MYH15: variants seen among roughly 807,000 people sequenced by gnomAD.
The protein encoded by MYH15 is myosin-15.
Under a neutral mutation model 240.5 loss-of-function variants are expected in MYH15, and 227 were observed. The ratio of observed to expected loss-of-function variants is 0.94; its 90% CI spans 0.85 to 1.05. MYH15 has a LOEUF of 1.05. Ranked by LOEUF, MYH15 falls within the 50% of genes least tolerant of loss-of-function variation. The pLI is 0.00. For missense variants in MYH15, 2,217 were observed against 2,247.5 expected, an observed-to-expected ratio of 0.99 and a Z score of 0.27; for synonymous variants, 785 against 796.7, an observed-to-expected ratio of 0.99 and a Z score of 0.25.
intron 29 of MYH15, among the ~76,000 whole-genome samples, chr3:108,416,362 A>G (rs921995375): frequency 5.9e-5 from 9 of 152,236 alleles, no homozygotes; most frequent in African/African-American, 2.2e-4. Flanking sequence ...TTCATCTTCC[A>G]GAATCACTTC....
At chr3:108,522,587 T>C (rs1559676601) in intron 1 of MYH15, among the ~76,000 whole-genome samples, 2 of 152,070 alleles carry the variant, frequency 1.3e-5, no homozygotes, top group Non-Finnish European at 1.5e-5. Flanking sequence ...TAGAAGCCCC[T>C]TTGAAGATTT....
At chr3:108,391,199 T>C (rs1049867252) in intron 37 of MYH15, among the ~76,000 whole-genome samples, 6 of 152,218 alleles carry the variant, frequency 3.9e-5, no homozygotes, top group African/African-American at 1.4e-4. Flanking sequence ...ATCATATGCC[T>C]TGTCTGTAGT....
At position 108,444,685 on chromosome 3, in the gene MYH15, T is replaced by C. The variant is rs772379145; in HGVS notation, c.2610A>G (p.Val870=). 6.2e-7 allele frequency: 1 copy of C among 1,614,034 alleles called. No individual in the cohort carries two copies. Among genetic ancestry groups the C allele is most frequent in the Non-Finnish European group, 8.5e-7 (1 of 1,179,942 alleles). Residue 870 remains valine, a synonymous_variant, in exon 22 of 41, where the codon GTA becomes GTG. Transcript: ENST00000693548. ...GGTCATTTTTTTCCTGAGTGAGGGA[T>C]ACTTGCTTTGCTTTCAGTTCCTCCC... is the stretch of plus-strand genomic sequence containing the variant. ...FQREELKAKQ[V]SLTQEKNDLI...
At chr3:108,401,805 G>A (rs2082507957) in intron 33 of MYH15, among the ~76,000 whole-genome samples, 1 of 152,220 alleles carries the variant, frequency 6.6e-6, no homozygotes, top group Non-Finnish European at 1.5e-5. Flanking sequence ...GTATAATACA[G>A]TCCTGTAGAA....
At position 108,495,821 on chromosome 3, in the gene MYH15, C is replaced by T. The variant is rs2083385265; in HGVS notation, c.670G>A (p.Gly224Arg). 1 of 1,612,320 alleles carries T rather than the reference C, an allele frequency of 6.2e-7. No individual in the cohort carries two copies. Among genetic ancestry groups the T allele is most frequent in the Non-Finnish European group, 8.5e-7 (1 of 1,179,324 alleles). Residue 224 changes from glycine (G) to arginine (R), a missense_variant, in exon 7 of 41, where the codon GGA (glycine) becomes AGA (arginine). Physicochemically the swap from Gly to Arg is moderately radical, Grantham distance 125. Transcript: ENST00000693548. ...TCATTTCTCAGGGTTTTAGCATTTC[C>T]AAATGCTTCCAAGATAGTATTCGCT... ...MQANTILEAF[G>R]NAKTLRNDNS...
intron 6 of MYH15, among the ~76,000 whole-genome samples, chr3:108,496,943 C>G (rs902972495): frequency 2.0e-5 from 3 of 151,468 alleles, no homozygotes; most frequent in Non-Finnish European, 4.4e-5. Context: ...GGGAGGATCA[C>G]GAGGTCAGGA....
chr3:108,416,825 T>C lies in MYH15; in HGVS notation c.3935A>G (p.Glu1312Gly), dbSNP rs2082637457. ...TAGATACATTACTTTGGTCTCCTTT[T>C]CCAGCTGCCCTCTCAGGTCTTCAAT... ...RQIEDLRGQL[E>G]KETKSQSALA... Residue 1312 changes from glutamate to glycine, a missense_variant, in exon 29 of 41, where the codon GAA becomes GGA. Physicochemically the swap from Glu to Gly is moderately conservative, Grantham distance 98. Coordinates refer to ENST00000693548, the MANE Select transcript of MYH15 (RefSeq NM_014981.3). The C allele has an allele frequency of 1.2e-6, 2 of 1,613,426 alleles. No homozygotes were observed. Among genetic ancestry groups the C allele is most frequent in the East Asian group, 2.2e-5 (1 of 44,864 alleles).
chr3:108,464,773 A>C lies in MYH15; in HGVS notation c.1596T>G (p.Phe532Leu). Reference protein sequence around the residue: ...ILSILEEECMFPKATDLTFKT... With the variant: ...ILSILEEECMLPKATDLTFKT... ...TGAAAGTCAGGTCTGTAGCCTTAGG[A>C]AACATACACTCTTCTTCAAGGATGG... Residue 532 changes from phenylalanine (F) to leucine (L), a missense_variant, in exon 15 of 41, where the codon TTT (phenylalanine) becomes TTG (leucine). Phe to Leu is a conservative substitution (Grantham distance 22, BLOSUM62 0). Transcript: ENST00000693548. The C allele has an allele frequency of 1.9e-6, 3 of 1,613,336 alleles. No homozygotes were observed. In the Middle Eastern group the frequency reaches 5.0e-4, roughly 266 times the overall value.
the MYH15 span, among the ~76,000 whole-genome samples, chr3:108,539,590 A>T: frequency 6.6e-6 from 1 of 152,198 alleles, no homozygotes; most frequent in African/African-American, 2.4e-5. Context: ...AAAGTGAAAA[A>T]GTCAATTACA....
chr3:108,463,266 G>C (rs773910120), intron 15 of MYH15, 23 bp from the exon 16 acceptor site: 6 of 1,577,098 alleles, frequency 3.8e-6, no homozygotes, highest in Non-Finnish European at 5.1e-6. Flanking sequence ...ATGCATTTCA[G>C]GTTAAAAAAA....
rs758876374 is a variant in MYH15 at position 108,414,338 on chromosome 3, C to T, written c.4039G>A (p.Ala1347Thr). The change falls in exon 30 of 41, where the codon GCT becomes ACT. Residue 1347 changes from alanine (A) to threonine (T), a missense_variant. Physicochemically the swap from Ala to Thr is moderately conservative, Grantham distance 58. Transcript: ENST00000693548. ...EQYEEEQEVKAELHRTLSKVN... is the reference protein window; with the variant it reads ...EQYEEEQEVKTELHRTLSKVN... The stretch of plus-strand genomic sequence containing the variant: ...TTGGATAAGGTCCGGTGCAGCTCAG[C>T]CTTGACCTCTTGTTCTTCCTCATAC... The T allele has an allele frequency of 1.6e-5, 26 of 1,614,058 alleles. No individual in the cohort carries two copies. In the East Asian group the frequency reaches 5.8e-4, roughly 36 times the overall value.
intron 25 of MYH15, among the ~76,000 whole-genome samples, chr3:108,431,134 A>C (rs1031152287): frequency 6.6e-6 from 1 of 152,236 alleles, no homozygotes; most frequent in South Asian, 2.1e-4. Context: ...ATATCAATAA[A>C]AAAACACAAC....
At chr3:108,383,519 T>C (rs1029203329) in intron 40 of MYH15, 76 bp downstream of exon 40, 4 of 1,476,020 alleles carry the variant, frequency 2.7e-6, no homozygotes, top group Non-Finnish European at 9.1e-7. Flanking sequence ...TTTCTTGTTA[T>C]ACTGGTCCAT....
At chr3:108,503,843 G>A (rs2083455381) in intron 2 of MYH15, among the ~76,000 whole-genome samples, 1 of 152,092 alleles carries the variant, frequency 6.6e-6, no homozygotes, top group African/African-American at 2.4e-5. Flanking sequence ...ACAAAAACTT[G>A]CACATGCATG....
At chr3:108,462,596 A>ATT (rs1224996728) in intron 16 of MYH15, among the ~76,000 whole-genome samples, 1 of 152,106 alleles carries the variant, frequency 6.6e-6, no homozygotes, top group Non-Finnish European at 1.5e-5. Flanking sequence ...TGTAAATTAC[A>ATT]AACTACTAAA....
chr3:108,455,646 G>T, intron 20 of MYH15, 90 bp downstream of exon 20: 1 of 1,406,494 alleles, frequency 7.1e-7, no homozygotes, highest in Non-Finnish European at 1.0e-6. Flanking sequence ...GCTGAAGAAT[G>T]CCTTATAATT....
chr3:108,496,179 C>T (rs1461687674), intron 6 of MYH15, among the ~76,000 whole-genome samples: 1 of 152,128 alleles, frequency 6.6e-6, no homozygotes, highest in East Asian at 1.9e-4. Flanking sequence ...AAAAACATAC[C>T]AAAGCTTATT....
At position 108,441,869 on chromosome 3, in the gene MYH15, G is replaced by A. The variant is rs371571828; in HGVS notation, c.2656-609C>T. On this transcript the variant is annotated intron_variant, in intron 22 of 40. Coordinates refer to ENST00000693548, the MANE Select transcript of MYH15 (RefSeq NM_014981.3). Reference sequence around the variant, plus strand: ...TTTGCCTCAATGATTCTGCCAGCACGGAGTTACACAAAGAGCATGTGGTAC... The same window carrying A: ...TTTGCCTCAATGATTCTGCCAGCACAGAGTTACACAAAGAGCATGTGGTAC... 5.3e-5 allele frequency among the ~76,000 whole-genome samples: 8 copies of A among 152,248 alleles called. No individual in the cohort carries two copies. The East Asian group carries it at 9.6e-4, about 18-fold the overall frequency.
chr3:108,487,021 T>A (rs993033115), intron 9 of MYH15, among the ~76,000 whole-genome samples: 2 of 152,162 alleles, frequency 1.3e-5, no homozygotes, highest in African/African-American at 4.8e-5. Context: ...TCACATCACA[T>A]CCTCGCTATT....
Sources: gnomAD v4.1 joint callset for allele counts (sites outside exome capture counted in the v4.1 genomes callset) on GRCh38, gnomAD v4.1.1 for gene constraint, MANE v1.5 for transcripts, NCBI Gene and HGNC (gene_info 2026-07-23, HGNC 2026-07-21) for gene names.